Variants in FBXO11 observed in about 807,000 individuals in gnomAD.
FBXO11 encodes F-box only protein 11.
In FBXO11, 13 loss-of-function variants were observed where a neutral mutation model predicts 117.0. The observed-to-expected ratio is 0.11, with a 90% CI of 0.07 to 0.18. The LOEUF (loss-of-function observed/expected upper bound fraction) is 0.18. Among genes scored for constraint, FBXO11 ranks in the 10% least tolerant of loss-of-function variants. The probability of loss-of-function intolerance (pLI) is 1.00; values close to 1 mark genes in which losing one functional copy is unlikely to be tolerated. For missense variants in FBXO11, 767 were observed against 1,164.4 expected, an observed-to-expected ratio of 0.66 and a Z score of 4.97; for synonymous variants, 490 against 380.5, an observed-to-expected ratio of 1.29 and a Z score of -3.35.
chr2:47,807,586 C>T lies in FBXO11; in HGVS notation c.*532G>A, dbSNP rs1439686374. 4.6e-6 allele frequency: 1 copy of T among 216,532 alleles called. No individual in the cohort carries two copies. Among genetic ancestry groups the T allele is most frequent in the Non-Finnish European group, 9.3e-6 (1 of 107,572 alleles). 13.4% of individuals were successfully genotyped at this position (216,532 alleles called of 1,614,324 possible). A position where few individuals can be genotyped will look rare whatever the true frequency, so the allele number is the denominator to read the frequency against. On this transcript the variant is annotated 3_prime_UTR_variant, in exon 23 of 23. Transcript: ENST00000403359. ...TAACAAAACAGGGCACATTCAAGTA[C>T]AGTAAGATTTTGCTTGAAATTAAAA...
intron 1 of FBXO11, among the ~76,000 whole-genome samples, chr2:47,868,090 C>T (rs552756596): frequency 6.6e-6 from 1 of 152,036 alleles, no homozygotes; most frequent in East Asian, 1.9e-4. Flanking sequence ...ACTGCAAATC[C>T]CTGGACAACT....
chr2:47,848,851 C>A (rs952159693), intron 1 of FBXO11, among the ~76,000 whole-genome samples: 1 of 152,110 alleles, frequency 6.6e-6, no homozygotes, highest in Non-Finnish European at 1.5e-5. Context: ...TTTTTATATA[C>A]CCTTTACCTT....
chr2:47,824,626 A>G (rs901913043), intron 11 of FBXO11, among the ~76,000 whole-genome samples: 2 of 152,244 alleles, frequency 1.3e-5, no homozygotes, highest in African/African-American at 4.8e-5. Flanking sequence ...CACATGTTAA[A>G]TGAAAAGAAC....
chr2:47,883,561 T>C, intron 1 of FBXO11: 1 of 351,460 alleles, frequency 2.8e-6, no homozygotes, highest in Non-Finnish European at 5.7e-6. Context: ...AAGGAAGAAA[T>C]TCGTCTGGAT....
chr2:47,901,188 C>CAT (rs1303822097), intron 1 of FBXO11, among the ~76,000 whole-genome samples: 2 of 133,552 alleles, frequency 1.5e-5, no homozygotes, highest in East Asian at 2.1e-4. Context: ...TATGTGGGTA[C>CAT]ATATATATGT....
rs942953434 is a variant in FBXO11, at chr2:47,898,569, C to T, written c.232+6920G>A. On this transcript the variant is annotated intron_variant, in intron 1 of 22. Coordinates refer to ENST00000403359, the MANE Select transcript of FBXO11 (RefSeq NM_001190274.2). ...TCTACCCTTCTTTGTATAATGAGTG[C>T]TTAATGATCTCATCAACACACTGGA... Among the ~76,000 whole-genome samples, 3 of 152,284 alleles carry T rather than the reference C, an allele frequency of 2.0e-5. No individual in the cohort carries two copies. In the East Asian group the frequency reaches 5.8e-4, roughly 29 times the overall value.
chr2:47,881,239 G>A (rs955016458), intron 1 of FBXO11, among the ~76,000 whole-genome samples: 12 of 152,126 alleles, frequency 7.9e-5, no homozygotes, highest in African/African-American at 2.9e-4. Flanking sequence ...GTGACACAAC[G>A]AGACTCTGTC....
chr2:47,810,611 CAAT>C (rs1670544431), intron 18 of FBXO11, 185 bp from the exon 19 acceptor site: 3 of 494,186 alleles, frequency 6.1e-6, no homozygotes, highest in African/African-American at 2.0e-5. Context: ...AAAATTGCTA[CAAT>C]GACAGGTAAG....
In FBXO11 at chr2:47,883,318, C is replaced by A. The variant is rs368864938; in HGVS notation, c.232+22171G>T. On this transcript the variant is annotated intron_variant, in intron 1 of 22. Coordinates refer to ENST00000403359, the MANE Select transcript of FBXO11 (RefSeq NM_001190274.2). ...CTTCACAGTCCAAAGACTCTCTACT[C>A]CTTTGACGCTTTAAATAATAAAGGG... 224 of 173,424 alleles carry A rather than the reference C, an allele frequency of 1.3e-3. 3 individuals carry two copies. The South Asian group carries it at 0.029, about 22-fold the overall frequency. The allele number at this position is 173,424 out of a possible 1,614,324, so 10.7% of individuals were successfully genotyped here.
chr2:47,862,960 C>CAGG (rs1674894480), intron 1 of FBXO11, among the ~76,000 whole-genome samples: 1 of 150,558 alleles, frequency 6.6e-6, no homozygotes, highest in African/African-American at 2.4e-5. Context: ...GAGGCTAAGG[C>CAGG]AGGAGAATCG....
intron 1 of FBXO11, among the ~76,000 whole-genome samples, chr2:47,843,480 A>G (rs1439022086): frequency 1.3e-5 from 2 of 151,586 alleles, no homozygotes; most frequent in African/African-American, 4.9e-5. Context: ...CTTTGAGACA[A>G]TATTATTTGG....
At position 47,822,316 on chromosome 2, in the gene FBXO11, G is replaced by A. The variant is rs774050390; in HGVS notation, c.1617-13C>T. 81 of 1,513,216 alleles carry A rather than the reference G, an allele frequency of 5.4e-5. No individual in the cohort carries two copies. The Middle Eastern group carries it at 7.0e-4, about 13-fold the overall frequency. 93.7% of individuals were successfully genotyped at this position (1,513,216 alleles called of 1,614,324 possible). A position where few individuals can be genotyped will look rare whatever the true frequency, so the allele number is the denominator to read the frequency against. The stretch of plus-strand genomic sequence containing the variant: ...TATAGAATTTCCCCTATAATTATGC[G>A]AAATAAAAAAAAAGAAGACATCTAT... On this transcript the variant is annotated splice_polypyrimidine_tract_variant and intron_variant, in intron 12 of 22. Coordinates refer to ENST00000403359, the MANE Select transcript of FBXO11 (RefSeq NM_001190274.2).
In FBXO11 at chr2:47,905,696, G is replaced by A; in HGVS notation, c.25C>T (p.Arg9Trp). The A allele has an allele frequency of 6.6e-7, 1 of 1,522,534 alleles. No homozygotes were observed. The highest frequency in any genetic ancestry group is 8.8e-7 in the Non-Finnish European group (1 of 1,137,326). 94.3% of individuals were successfully genotyped at this position (1,522,534 alleles called of 1,614,324 possible). The change falls in exon 1 of 23, where the codon CGG (arginine) becomes TGG (tryptophan). Residue 9 changes from arginine to tryptophan, a missense_variant. Physicochemically the swap from Arg to Trp is moderately radical, Grantham distance 101. Around this residue, in one of 10 missense-constraint regions of FBXO11, gnomAD observed 355 missense variants for 299.8 expected, o/e 1.18. Transcript: ENST00000403359. MNSVRAAN[R>W]RPRRVSRPRP... The stretch of plus-strand genomic sequence containing the variant: ...GGCCGCGACACTCGCCTGGGTCTCC[G>A]GTTGGCGGCTCGGACGGAGTTCATT...
At position 47,807,772 on chromosome 2, in the gene FBXO11, G is replaced by C. The variant is rs1200535022; in HGVS notation, c.*346C>G. The C allele has an allele frequency of 3.2e-5, 8 of 251,690 alleles. No individual in the cohort carries two copies. The East Asian group carries it at 4.6e-4, about 15-fold the overall frequency. The allele number at this position is 251,690 out of a possible 1,614,324, so 15.6% of individuals were successfully genotyped here. On this transcript the variant is annotated 3_prime_UTR_variant, in exon 23 of 23. Coordinates refer to ENST00000403359, the MANE Select transcript of FBXO11 (RefSeq NM_001190274.2). The stretch of plus-strand genomic sequence containing the variant: ...CATAAAGGCAGCAACAAAGCTGCTT[G>C]TCTATTGAAGATTACTACTGCAAAT...
intron 16 of FBXO11, chr2:47,818,483 C>T (rs1481642399): frequency 3.7e-6 from 1 of 272,006 alleles, no homozygotes; most frequent in Non-Finnish European, 6.8e-6. Flanking sequence ...AGTATTTTAA[C>T]ACAGACTTCC....
chr2:47,897,489 G>T (rs2104025013), intron 1 of FBXO11, among the ~76,000 whole-genome samples: 1 of 152,290 alleles, frequency 6.6e-6, no homozygotes, highest in South Asian at 2.1e-4. Flanking sequence ...TTTACATCAT[G>T]AGTTTGAGAT....
chr2:47,878,435 G>A (rs1676173347), intron 1 of FBXO11, among the ~76,000 whole-genome samples: 1 of 151,828 alleles, frequency 6.6e-6, no homozygotes, highest in Non-Finnish European at 1.5e-5. Flanking sequence ...TCAGCTGACT[G>A]CAACCTCCAC....
At chr2:47,854,783 G>A (rs545072085) in intron 1 of FBXO11, among the ~76,000 whole-genome samples, 61 of 151,912 alleles carry the variant, frequency 4.0e-4, no homozygotes, top group Non-Finnish European at 1.5e-4. Context: ...CCAGGATCAC[G>A]CTTTGAGAAC....
At chr2:47,829,094 A>G (rs895455432) in intron 11 of FBXO11, among the ~76,000 whole-genome samples, 3 of 151,808 alleles carry the variant, frequency 2.0e-5, no homozygotes, top group Admixed American at 6.6e-5. Context: ...AGTGTTTCGC[A>G]GTGTTGGCCA....
Sources: allele counts gnomAD v4.1 joint callset (sites outside exome capture counted in the v4.1 genomes callset), GRCh38; gene constraint gnomAD v4.1.1; regional missense constraint gnomAD v4.1.1; transcripts MANE v1.5; gene names NCBI Gene and HGNC (gene_info 2026-07-23, HGNC 2026-07-21).